The following SLC6A6 variants were observed in gnomAD, a reference collection of about 807,000 sequenced individuals.
SLC6A6 encodes solute carrier family 6 member 6, also known as sodium- and chloride-dependent taurine transporter.
SLC6A6 carries 16 observed loss-of-function variants against 68.8 expected under a neutral mutation model. That is an observed-to-expected ratio of 0.23 (90% CI 0.16 to 0.35). SLC6A6 has a LOEUF of 0.35. SLC6A6 is among the 10% of genes least tolerant of loss of function. The pLI, the probability that SLC6A6 is intolerant of heterozygous loss-of-function variation, is 1.00. For synonymous variants in SLC6A6, 312 were observed against 315.4 expected (o/e 0.99, Z 0.12); for missense variants, 474 against 802.8 (o/e 0.59, Z 4.95).
At chr3:14,422,335 C>T (rs1010168500) in intron 2 of SLC6A6, among the ~76,000 whole-genome samples, 4 of 152,164 alleles carry the variant, frequency 2.6e-5, no homozygotes, top group Admixed American at 2.6e-4. Context: ...TGGGACAAGT[C>T]ACTAACCCTC....
intron 2 of SLC6A6, among the ~76,000 whole-genome samples, chr3:14,416,842 T>C (rs1699372887): frequency 6.6e-6 from 1 of 152,232 alleles, no homozygotes; most frequent in African/African-American, 2.4e-5. Context: ...CTGTCTCTGT[T>C]AAAGGTTTGT....
At chr3:14,483,283 G>C (rs3773164) in intron 14 of SLC6A6, among the ~76,000 whole-genome samples, 70,696 of 152,076 alleles carry the variant, frequency 0.46, 17,241 homozygotes, top group African/African-American at 0.61. Context: ...AAAGGCCCCT[G>C]TGAAGGCAGT....
At position 14,445,736 on chromosome 3, in the gene SLC6A6, T is replaced by C. The variant is rs1382412921; in HGVS notation, c.249T>C (p.Tyr83=). Residue 83 remains tyrosine (Y), a synonymous_variant, in exon 4 of 15, where the codon TAT becomes TAC. Coordinates refer to ENST00000622186, the MANE Select transcript of SLC6A6 (RefSeq NM_003043.6). ...CTGCAGGTGCGTTTCTCATACCGTA[T>C]TTTATTTTCCTGTTTGGGAGCGGCC... ...KNGGGAFLIP[Y]FIFLFGSGLP... 1.2e-6 allele frequency: 2 copies of C among 1,614,094 alleles called. No homozygotes were observed. Among genetic ancestry groups the C allele is most frequent in the Non-Finnish European group, 1.7e-6 (2 of 1,180,040 alleles).
At chr3:14,432,713 T>A (rs1699756728) in intron 2 of SLC6A6, 1 of 152,338 alleles carries the variant, frequency 6.6e-6, no homozygotes, top group South Asian at 2.1e-4. Flanking sequence ...GAAGCCCCGA[T>A]GTGTGCAGAA....
chr3:14,473,091 A>G (rs1700791532), intron 10 of SLC6A6, among the ~76,000 whole-genome samples: 1 of 152,220 alleles, frequency 6.6e-6, no homozygotes, highest in Admixed American at 6.5e-5. Flanking sequence ...AGAGCCGATG[A>G]GTGGCTGCAT....
Position 14,466,367 on chromosome 3 carries a change from C to T in SLC6A6, c.733-149C>T, listed in dbSNP as rs74467640. On this transcript the variant is annotated intron_variant, in intron 6 of 14. Transcript: ENST00000622186. ...AGACCCAGAGTGGTTAAGCAATGTG[C>T]CAAAGGCCGCACAGCAAGTAAGACA... is the stretch of plus-strand genomic sequence containing the variant. The T allele has an allele frequency of 2.0e-3, 1,658 of 824,302 alleles. 32 individuals are homozygous for T. In the East Asian group the frequency reaches 0.037, roughly 18 times the overall value. 51.1% of individuals were successfully genotyped at this position (824,302 alleles called of 1,614,324 possible).
chr3:14,409,338 G>A (rs1046503052), intron 1 of SLC6A6, among the ~76,000 whole-genome samples: 1 of 152,248 alleles, frequency 6.6e-6, no homozygotes, highest in African/African-American at 2.4e-5. Flanking sequence ...TTGCCCCGGA[G>A]GGTGCAGAGG....
At chr3:14,447,264 CCAAA>C (rs777965176) in intron 4 of SLC6A6, among the ~76,000 whole-genome samples, 5 of 151,312 alleles carry the variant, frequency 3.3e-5, no homozygotes, top group East Asian at 1.9e-4. Flanking sequence ...ATCCATCCAT[CCAAA>C]CATCCAACCA....
At chr3:14,478,667 G>C (rs555960919) in intron 12 of SLC6A6, 99 bp downstream of exon 12, 1 of 795,062 alleles carries the variant, frequency 1.3e-6, no homozygotes, top group African/African-American at 1.7e-5. Context: ...AATTCAATTT[G>C]AGTTGAACAG....
At position 14,479,164 on chromosome 3, in the gene SLC6A6, G is replaced by T. The variant is rs1385194376; in HGVS notation, c.1530G>T (p.Val510=). The change falls in exon 13 of 15, where the codon GTG becomes GTT. Residue 510 remains valine, a synonymous_variant. Coordinates refer to ENST00000622186, the MANE Select transcript of SLC6A6 (RefSeq NM_003043.6). ...PGPWMKYSWA[V]ITPVLCVGCF... ...CCTGGATGAAGTACAGCTGGGCTGTGATCACTCCAGTTCTCTGTGTTGTGA... is the reference window on the plus strand; with the variant it reads ...CCTGGATGAAGTACAGCTGGGCTGTTATCACTCCAGTTCTCTGTGTTGTGA... 3.7e-6 allele frequency: 6 copies of T among 1,610,508 alleles called. No individual in the cohort carries two copies. In the African/African-American group the frequency reaches 6.7e-5, roughly 18 times the overall value.
At position 14,484,881 on chromosome 3, in the gene SLC6A6, G is replaced by A; in HGVS notation, c.1737G>A (p.Leu579=). 2.5e-6 allele frequency: 4 copies of A among 1,611,970 alleles called. No individual in the cohort carries two copies. The highest frequency in any genetic ancestry group is 3.4e-6 in the Non-Finnish European group (4 of 1,179,970). Residue 579 remains leucine (L), a synonymous_variant, in exon 15 of 15, where the codon CTG becomes CTA. Coordinates refer to ENST00000622186, the MANE Select transcript of SLC6A6 (RefSeq NM_003043.6). The stretch of plus-strand genomic sequence containing the variant: ...TCCTTCTCCAGAGAGTCAAGTACCT[G>A]CTGACCCCAAGGGAACCCAACCGCT... The part of the protein sequence containing the change: ...EGPFLVRVKY[L]LTPREPNRWA...
At chr3:14,417,732 GAAA>G (rs58223644) in intron 2 of SLC6A6, among the ~76,000 whole-genome samples, 2 of 105,870 alleles carry the variant, frequency 1.9e-5, no homozygotes, top group African/African-American at 3.1e-5. Flanking sequence ...ACTCCGTCTC[GAAA>G]AAAAAAAAAA....
In SLC6A6 at chr3:14,481,424, C is replaced by T. The variant is rs1701004076; in HGVS notation, c.1552-247C>T. ...CTTCTGCTGACACTCCCGGCTGCAC[C>T]GAGGAGTTTGGGCTGCATCTGCTGG... is the stretch of plus-strand genomic sequence containing the variant. On this transcript the variant is annotated intron_variant, in intron 13 of 14. Coordinates refer to ENST00000622186, the MANE Select transcript of SLC6A6 (RefSeq NM_003043.6). The surrounding 1 kb of genome is among the most constrained non-coding windows in gnomAD (Gnocchi z 4.7). 6.6e-6 allele frequency among the ~76,000 whole-genome samples: 1 copy of T among 151,836 alleles called. No homozygotes were observed. Among genetic ancestry groups the T allele is most frequent in the African/African-American group, 2.4e-5 (1 of 41,310 alleles).
Position 14,439,911 on chromosome 3 carries a change from G to A in SLC6A6, c.-11-3713G>A, listed in dbSNP as rs978271906. Among the ~76,000 whole-genome samples, 12 of 152,242 alleles carry A rather than the reference G, an allele frequency of 7.9e-5. No homozygotes were observed. In the East Asian group the frequency reaches 1.5e-3, roughly 20 times the overall value. On this transcript the variant is annotated intron_variant, in intron 2 of 14. Coordinates refer to ENST00000622186, the MANE Select transcript of SLC6A6 (RefSeq NM_003043.6). Reference sequence around the variant, plus strand: ...GCTCCTAAGGGTTTGGATACATCACGGTCACTGTTACTCCCAGCGGAGTGA... The same window carrying A: ...GCTCCTAAGGGTTTGGATACATCACAGTCACTGTTACTCCCAGCGGAGTGA...
chr3:14,465,305 C>T (rs1315304044), intron 6 of SLC6A6, among the ~76,000 whole-genome samples: 1 of 152,226 alleles, frequency 6.6e-6, no homozygotes, highest in Non-Finnish European at 1.5e-5. Context: ...TTCTAGTCCC[C>T]ACCTCACACC....
At position 14,481,486 on chromosome 3, in the gene SLC6A6, G is replaced by C. The variant is rs979644214; in HGVS notation, c.1552-185G>C. On this transcript the variant is annotated intron_variant, in intron 13 of 14. Transcript: ENST00000622186. The surrounding 1 kb of genome is among the most constrained non-coding windows in gnomAD (Gnocchi z 4.7). ...ACAGAAGGGTTTTGAGCAGGGAAAC[G>C]ACTTACTGTGTTTTTACCGGGGCGG... is the stretch of plus-strand genomic sequence containing the variant. 6.6e-6 allele frequency among the ~76,000 whole-genome samples: 1 copy of C among 152,016 alleles called. No individual in the cohort carries two copies. Among genetic ancestry groups the C allele is most frequent in the Non-Finnish European group, 1.5e-5 (1 of 68,016 alleles).
intron 2 of SLC6A6, among the ~76,000 whole-genome samples, chr3:14,439,560 T>C (rs1699935014): frequency 6.6e-6 from 1 of 152,228 alleles, no homozygotes; most frequent in South Asian, 2.1e-4. Flanking sequence ...ATAGCCTCTG[T>C]ATCAGTCAAT....
Position 14,450,731 on chromosome 3 carries a change from C to T in SLC6A6, c.599+2915C>T, listed in dbSNP as rs1179374294. ...AGCTACACCAGGGGACAGCTCAGTT[C>T]CAGCCCTGAGCCAGGTGCCGTGGGC... On this transcript the variant is annotated intron_variant, in intron 5 of 14. Transcript: ENST00000622186. The surrounding 1 kb of genome is among the most constrained non-coding windows in gnomAD (Gnocchi z 4.1). Among the ~76,000 whole-genome samples, 1 of 152,232 alleles carries T rather than the reference C, an allele frequency of 6.6e-6. No individual in the cohort carries two copies. Among genetic ancestry groups the T allele is most frequent in the Non-Finnish European group, 1.5e-5 (1 of 68,040 alleles).
chr3:14,407,353 A>G (rs772737579), intron 1 of SLC6A6, among the ~76,000 whole-genome samples: 2 of 152,172 alleles, frequency 1.3e-5, no homozygotes, highest in Non-Finnish European at 2.9e-5. Context: ...TACATGCAGT[A>G]ATATGCAAAG....
Sources: allele counts gnomAD v4.1 joint callset (sites outside exome capture counted in the v4.1 genomes callset), GRCh38; gene constraint gnomAD v4.1.1; non-coding constraint Gnocchi (gnomAD v3.1); transcripts MANE v1.5; gene names NCBI Gene and HGNC (gene_info 2026-07-23, HGNC 2026-07-21).